Variants in EDIL3 observed in about 807,000 individuals in gnomAD.
The protein encoded by EDIL3 is EGF-like repeat and discoidin I-like domain-containing protein 3.
Under a neutral mutation model 67.4 loss-of-function variants are expected in EDIL3, and 37 were observed. The observed-to-expected ratio is 0.55, with a 90% CI of 0.42 to 0.72. EDIL3 has a LOEUF of 0.72. Among genes scored for constraint, EDIL3 ranks in the 30% least tolerant of loss-of-function variants. The pLI is 0.00. For missense variants in EDIL3, 527 were observed against 586.3 expected, an observed-to-expected ratio of 0.90 and a Z score of 1.04; for synonymous variants, 195 against 196.3, an observed-to-expected ratio of 0.99 and a Z score of 0.05.
intron 1 of EDIL3, among the ~76,000 whole-genome samples, chr5:84,277,785 A>C (rs1745610623): frequency 6.6e-6 from 1 of 152,228 alleles, no homozygotes; most frequent in Non-Finnish European, 1.5e-5. Context: ...TAAAAATCAA[A>C]TCAAAATTGA....
intron 9 of EDIL3, among the ~76,000 whole-genome samples, chr5:83,989,979 TA>T (rs896693641): frequency 6.6e-6 from 1 of 152,044 alleles, no homozygotes; most frequent in African/African-American, 2.4e-5. Flanking sequence ...CAGAAACAAA[TA>T]AATAAATTTT....
intron 9 of EDIL3, among the ~76,000 whole-genome samples, chr5:84,010,925 A>G (rs900421673): frequency 1.3e-5 from 2 of 152,138 alleles, no homozygotes; most frequent in Admixed American, 6.6e-5. Flanking sequence ...ATTCACCCCA[A>G]TGATCAGGTA....
At chr5:84,179,200 C>A (rs992566797) in intron 4 of EDIL3, among the ~76,000 whole-genome samples, 1 of 152,024 alleles carries the variant, frequency 6.6e-6, no homozygotes, top group Non-Finnish European at 1.5e-5. Context: ...ATTCTGGGCT[C>A]CTATCTTTAT....
chr5:84,098,228 G>A (rs533692818), intron 6 of EDIL3, among the ~76,000 whole-genome samples: 1 of 152,018 alleles, frequency 6.6e-6, no homozygotes, highest in South Asian at 2.1e-4. Context: ...TTCAATTTTC[G>A]TTTCATCAAG....
intron 3 of EDIL3, among the ~76,000 whole-genome samples, chr5:84,201,343 G>A (rs1011352666): frequency 6.6e-6 from 1 of 151,868 alleles, no homozygotes; most frequent in African/African-American, 2.4e-5. Context: ...GATTGTTTCT[G>A]GTAAATAAAT....
At chr5:84,031,897 T>C (rs1745931500) in intron 9 of EDIL3, among the ~76,000 whole-genome samples, 1 of 152,202 alleles carries the variant, frequency 6.6e-6, no homozygotes, top group Non-Finnish European at 1.5e-5. Flanking sequence ...CTGGATATGT[T>C]ACCACAGAAT....
chr5:84,151,911 T>C (rs1360018900), intron 4 of EDIL3, among the ~76,000 whole-genome samples: 1 of 151,644 alleles, frequency 6.6e-6, no homozygotes, highest in African/African-American at 2.4e-5. Flanking sequence ...GCTGCTTCTT[T>C]TTTTTTTTTT....
intron 4 of EDIL3, among the ~76,000 whole-genome samples, chr5:84,160,765 C>CTTTCA (rs1211061741): frequency 2.1e-5 from 1 of 47,360 alleles, no homozygotes; most frequent in African/African-American, 7.0e-5. Context: ...CTTTCCTTTC[C>CTTTCA]TTTCCTTTCC....
chr5:84,061,733 CA>C lies in EDIL3; in HGVS notation c.953-1250del, dbSNP rs1297324394. ...ATAAAGTACTTAGAAACAGTGCTGGCACACAGCATTCAGTCAATGTTAACTA... is the reference window on the plus strand; with the variant it reads ...ATAAAGTACTTAGAAACAGTGCTGGCCACAGCATTCAGTCAATGTTAACTA... On this transcript the variant is annotated intron_variant, in intron 8 of 10. Transcript: ENST00000296591. Among the ~76,000 whole-genome samples, 6 of 152,272 alleles carry C rather than the reference CA, an allele frequency of 3.9e-5. No individual in the cohort carries two copies. In the South Asian group the frequency reaches 6.2e-4, roughly 16 times the overall value.
intron 4 of EDIL3, 71 bp from the exon 5 acceptor site, chr5:84,137,425 C>T (rs1047189795): frequency 6.2e-5 from 84 of 1,344,514 alleles, no homozygotes; most frequent in Non-Finnish European, 7.5e-5. Flanking sequence ...AAAGTTTTAA[C>T]ATTTGAAATA....
At chr5:84,281,269 A>G (rs1745696787) in intron 1 of EDIL3, among the ~76,000 whole-genome samples, 1 of 152,178 alleles carries the variant, frequency 6.6e-6, no homozygotes, top group African/African-American at 2.4e-5. Context: ...TTCATAGGCT[A>G]CTGTCTAAAT....
rs957571790 is a variant in EDIL3 at position 84,134,742 on chromosome 5, G to A, written c.469+2499C>T. Among the ~76,000 whole-genome samples, 3 of 152,014 alleles carry A rather than the reference G, an allele frequency of 2.0e-5. No individual in the cohort carries two copies. In the East Asian group the frequency reaches 5.8e-4, roughly 29 times the overall value. ...GTCCTTAAAATTTAATAAAATAAAA[G>A]CAAACACCCCAATAGGAAAATATTT... On this transcript the variant is annotated intron_variant, in intron 5 of 10. Coordinates refer to ENST00000296591, the MANE Select transcript of EDIL3 (RefSeq NM_005711.5).
intron 4 of EDIL3, among the ~76,000 whole-genome samples, chr5:84,176,200 TATATATATATA>T (rs1561453760): frequency 0.013 from 60 of 4,742 alleles, no homozygotes; most frequent in East Asian, 0.038. Flanking sequence ...ATATATATAA[TATATATATATA>T]TATATATATA....
intron 9 of EDIL3, among the ~76,000 whole-genome samples, chr5:84,041,819 C>T (rs962321061): frequency 6.6e-5 from 10 of 151,680 alleles, no homozygotes; most frequent in Non-Finnish European, 1.5e-4. Context: ...ACAGATGGGT[C>T]CTGTGGTATT....
chr5:84,006,708 A>T (rs1463293003), intron 9 of EDIL3, among the ~76,000 whole-genome samples: 1 of 152,202 alleles, frequency 6.6e-6, no homozygotes, highest in African/African-American at 2.4e-5. Flanking sequence ...CTAAACAGGT[A>T]ACACCTGAAC....
chr5:84,137,050 A>C (rs575488326), intron 5 of EDIL3, among the ~76,000 whole-genome samples, 191 bp downstream of exon 5: 1 of 152,288 alleles, frequency 6.6e-6, no homozygotes, highest in South Asian at 2.1e-4. Flanking sequence ...ACATACCACA[A>C]ATATGAAAAG....
At chr5:84,276,568 ATACT>A (rs1745585946) in intron 1 of EDIL3, among the ~76,000 whole-genome samples, 1 of 151,778 alleles carries the variant, frequency 6.6e-6, no homozygotes, top group South Asian at 2.1e-4. Context: ...CTTTGATTAT[ATACT>A]TATTTTTTTT....
intron 3 of EDIL3, among the ~76,000 whole-genome samples, chr5:84,207,821 T>A (rs1175448725): frequency 6.6e-6 from 1 of 150,872 alleles, no homozygotes; most frequent in East Asian, 2.0e-4. Flanking sequence ...TAATAAATGG[T>A]GCTGGGAAAA....
intron 1 of EDIL3, among the ~76,000 whole-genome samples, chr5:84,339,568 C>T (rs1351092463): frequency 2.0e-5 from 3 of 151,630 alleles, no homozygotes; most frequent in East Asian, 1.9e-4. Context: ...AGTTGAGTGA[C>T]TTATTCCCTG....
Sources: allele counts gnomAD v4.1 joint callset (sites outside exome capture counted in the v4.1 genomes callset), GRCh38; gene constraint gnomAD v4.1.1; transcripts MANE v1.5; gene names NCBI Gene and HGNC (gene_info 2026-07-23, HGNC 2026-07-21).